MIR2052HG: variants seen among roughly 807,000 people sequenced by gnomAD.
MIR2052HG encodes the protein MIR2052 host gene.
intron 2 of MIR2052HG, among the ~76,000 whole-genome samples, chr8:74,672,300 T>G (rs910845716): frequency 6.6e-5 from 10 of 152,064 alleles, no homozygotes; most frequent in African/African-American, 9.7e-5. Flanking sequence ...CACATTCACA[T>G]TTGATTATAT....
chr8:74,602,520 C>CT (rs1342781855), intron 1 of MIR2052HG, among the ~76,000 whole-genome samples: 18 of 148,980 alleles, frequency 1.2e-4, no homozygotes, highest in Middle Eastern at 6.9e-3. Context: ...TTCTTTCTTT[C>CT]TTTTTTTTTT....
At chr8:74,645,311 G>C (rs1204859898) in intron 2 of MIR2052HG, among the ~76,000 whole-genome samples, 2 of 150,874 alleles carry the variant, frequency 1.3e-5, no homozygotes, top group Non-Finnish European at 3.0e-5. Context: ...TTGAGACGGA[G>C]TTTTGCTCTT....
intron 4 of MIR2052HG, among the ~76,000 whole-genome samples, chr8:74,732,033 T>C (rs1307730311): frequency 6.6e-6 from 1 of 152,080 alleles, no homozygotes; most frequent in Admixed American, 6.6e-5. Context: ...AATTACATGG[T>C]TTAAAGAGGG....
In MIR2052HG at chr8:74,685,203, G is replaced by A. The variant is rs141809758; in HGVS notation, n.217-17176G>A. On this transcript the variant is annotated intron_variant and non_coding_transcript_variant, in intron 2 of 6. Coordinates refer to ENST00000523442, the Ensembl canonical transcript of MIR2052HG. ...ACTAAAGAGCAGTTTAGACATTTCT[G>A]GATGTCTTTTAAAATAATTTCTTTC... 8.0e-3 allele frequency among the ~76,000 whole-genome samples: 1,219 copies of A among 152,082 alleles called. 16 individuals carry two copies. Among genetic ancestry groups the A allele is most frequent in the Non-Finnish European group, 0.011 (742 of 67,930 alleles).
intron 1 of MIR2052HG, among the ~76,000 whole-genome samples, chr8:74,611,262 G>C (rs1386562551): frequency 6.6e-6 from 1 of 152,010 alleles, no homozygotes; most frequent in Non-Finnish European, 1.5e-5. Flanking sequence ...AAAACACCAT[G>C]AGATACCATT....
chr8:74,708,490 G>C (rs1196301333), intron 4 of MIR2052HG, among the ~76,000 whole-genome samples: 1 of 152,092 alleles, frequency 6.6e-6, no homozygotes, highest in East Asian at 1.9e-4. Flanking sequence ...CCACAACTCT[G>C]TGTGGGTTAT....
intron 2 of MIR2052HG, among the ~76,000 whole-genome samples, chr8:74,686,701 T>G (rs1180864949): frequency 6.6e-6 from 1 of 152,052 alleles, no homozygotes; most frequent in Non-Finnish European, 1.5e-5. Context: ...ATATGTATAT[T>G]GCTTCGAGAG....
At chr8:74,755,035 C>T (rs533058895) in intron 5 of MIR2052HG, among the ~76,000 whole-genome samples, 5 of 152,256 alleles carry the variant, frequency 3.3e-5, no homozygotes, top group East Asian at 1.9e-4. Flanking sequence ...TGAATTAGGT[C>T]GTCCAGGGGA....
intron 2 of MIR2052HG, among the ~76,000 whole-genome samples, chr8:74,635,332 G>C (rs1406711361): frequency 1.3e-5 from 2 of 151,894 alleles, no homozygotes; most frequent in African/African-American, 2.4e-5. Context: ...AAGTTTGTCA[G>C]GTGTCTAGGA....
chr8:74,609,808 C>T (rs915935563), intron 1 of MIR2052HG: 1 of 150,794 alleles, frequency 6.6e-6, no homozygotes, highest in Non-Finnish European at 1.5e-5. Flanking sequence ...GAGAGTGCTT[C>T]AACCCACTAT....
At chr8:74,710,099 G>A (rs561692155) in intron 4 of MIR2052HG, among the ~76,000 whole-genome samples, 1 of 152,106 alleles carries the variant, frequency 6.6e-6, no homozygotes, top group South Asian at 2.1e-4. Flanking sequence ...CATCTAAGTA[G>A]CGATTTTTAA....
chr8:74,726,099 A>T (rs1322700095), intron 4 of MIR2052HG, among the ~76,000 whole-genome samples: 3 of 152,150 alleles, frequency 2.0e-5, no homozygotes, highest in African/African-American at 7.2e-5. Flanking sequence ...AGGCTGAGGC[A>T]GGAGAAATGC....
At chr8:74,676,283 T>G (rs1265482826) in intron 2 of MIR2052HG, among the ~76,000 whole-genome samples, 1 of 152,054 alleles carries the variant, frequency 6.6e-6, no homozygotes, top group Non-Finnish European at 1.5e-5. Context: ...AATAAAATGT[T>G]GTATAATGTC....
chr8:74,603,143 A>G, intron 1 of MIR2052HG: 2 of 680,462 alleles, frequency 2.9e-6, no homozygotes, highest in Non-Finnish European at 5.3e-6. Context: ...TAAGTAAAAA[A>G]TCACGAGTGG....
rs147280528 is a variant in MIR2052HG at position 74,745,533 on chromosome 8, T to G, written n.372-6908T>G. On this transcript the variant is annotated intron_variant and non_coding_transcript_variant, in intron 4 of 6. Coordinates refer to ENST00000523442, the Ensembl canonical transcript of MIR2052HG. ...CAGAATCTCCATGGCAGGCATATTA[T>G]TGGAGATGATAGTCTTTATGTAAAC... Among the ~76,000 whole-genome samples, 1,405 of 152,288 alleles carry G rather than the reference T, an allele frequency of 9.2e-3. 11 individuals are homozygous for G. Among genetic ancestry groups the G allele is most frequent in the Non-Finnish European group, 0.014 (935 of 68,018 alleles).
intron 4 of MIR2052HG, among the ~76,000 whole-genome samples, chr8:74,752,281 CAAAAAA>C (rs34347449): frequency 3.8e-5 from 3 of 79,384 alleles, no homozygotes; most frequent in Non-Finnish European, 7.4e-5. Flanking sequence ...GATCCTGTCT[CAAAAAA>C]AAAAAAAAAA....
chr8:74,607,714 A>T (rs148507515), intron 1 of MIR2052HG, among the ~76,000 whole-genome samples: 1 of 152,348 alleles, frequency 6.6e-6, no homozygotes, highest in African/African-American at 2.4e-5. Flanking sequence ...AGTAATTAAT[A>T]GTATAAGTGA....
At chr8:74,682,263 G>C (rs756012778) in intron 2 of MIR2052HG, among the ~76,000 whole-genome samples, 1 of 152,102 alleles carries the variant, frequency 6.6e-6, no homozygotes, top group Non-Finnish European at 1.5e-5. Context: ...AGTTTTTAAT[G>C]AGGCATAAAA....
At chr8:74,700,748 T>A (rs966387349) in intron 2 of MIR2052HG, among the ~76,000 whole-genome samples, 2 of 152,116 alleles carry the variant, frequency 1.3e-5, no homozygotes, top group Non-Finnish European at 2.9e-5. Flanking sequence ...AAATAATGGA[T>A]GTTTTTTCAG....
Sources: gnomAD v4.1 joint callset for allele counts (sites outside exome capture counted in the v4.1 genomes callset) on GRCh38, gnomAD v4.1.1 for gene constraint, MANE v1.5 for transcripts, NCBI Gene and HGNC (gene_info 2026-07-23, HGNC 2026-07-21) for gene names.